The following REV3L variants were observed in gnomAD, a reference collection of about 807,000 sequenced individuals.
REV3L encodes the protein REV3 like, DNA directed polymerase zeta catalytic subunit, also known as DNA polymerase zeta catalytic subunit.
REV3L carries 69 observed loss-of-function variants against 299.4 expected under a neutral mutation model. That is an observed-to-expected ratio of 0.23 (90% confidence interval 0.19 to 0.28). REV3L has a LOEUF of 0.28. Ranked by LOEUF, REV3L falls within the 10% of genes least tolerant of loss-of-function variation. The probability of loss-of-function intolerance (pLI) is 1.00; values close to 1 mark genes in which losing one functional copy is unlikely to be tolerated. For missense variants in REV3L, 3,128 were observed against 3,693.8 expected, an observed-to-expected ratio of 0.85 and a Z score of 3.97; for synonymous variants, 1,238 against 1,271.4, an observed-to-expected ratio of 0.97 and a Z score of 0.56.
At position 111,466,427 on chromosome 6, in the gene REV3L, C is replaced by T. The variant is rs924047221; in HGVS notation, c.139+16323G>A. Among the ~76,000 whole-genome samples the T allele has an allele frequency of 5.3e-5, 8 of 152,200 alleles. No individual in the cohort carries two copies. In the East Asian group the frequency reaches 7.7e-4, roughly 15 times the overall value. On this transcript the variant is annotated intron_variant, in intron 1 of 31. Transcript: ENST00000368802. ...CACATAGAGGAATTTTAAAATGTCA[C>T]GTTTTCTCTAAGAAGTCACTGATTA...
chr6:111,443,502 C>A (rs755169501), intron 1 of REV3L, among the ~76,000 whole-genome samples: 1 of 152,168 alleles, frequency 6.6e-6, no homozygotes. Flanking sequence ...CAGCAGGCAA[C>A]TAATTTACTT....
At chr6:111,344,472 C>T (rs1255302894) in intron 20 of REV3L, among the ~76,000 whole-genome samples, 2 of 152,118 alleles carry the variant, frequency 1.3e-5, no homozygotes, top group Non-Finnish European at 2.9e-5. Context: ...TAGTTAAAGG[C>T]AGGCATTCTC....
chr6:111,331,059 A>G, intron 24 of REV3L: 1 of 970,272 alleles, frequency 1.0e-6, no homozygotes. Context: ...ACTCACTGCT[A>G]AGAAAATAGA....
At chr6:111,399,422 G>A (rs1294255177) in intron 4 of REV3L, among the ~76,000 whole-genome samples, 1 of 152,080 alleles carries the variant, frequency 6.6e-6, no homozygotes, top group Non-Finnish European at 1.5e-5. Flanking sequence ...ACTGACACTG[G>A]AAGATTACTA....
chr6:111,377,543 C>T (rs368632758), intron 12 of REV3L, among the ~76,000 whole-genome samples, 158 bp downstream of exon 12: 2 of 152,078 alleles, frequency 1.3e-5, no homozygotes, highest in East Asian at 1.9e-4. Flanking sequence ...CACTACGTTG[C>T]CTAGGCTGGT....
intron 21 of REV3L, 50 bp from the exon 22 acceptor site, chr6:111,335,660 T>C: frequency 6.5e-7 from 1 of 1,545,820 alleles, no homozygotes; most frequent in Non-Finnish European, 8.7e-7. Flanking sequence ...ATTTGGACAC[T>C]TGAAAACAGT....
intron 1 of REV3L, among the ~76,000 whole-genome samples, chr6:111,435,321 T>C (rs1278776324): frequency 6.6e-6 from 1 of 152,120 alleles, no homozygotes; most frequent in Non-Finnish European, 1.5e-5. Flanking sequence ...TCCTAAAATA[T>C]GTATGGAACC....
At position 111,373,041 on chromosome 6, in the gene REV3L, T is replaced by C; in HGVS notation, c.5314A>G (p.Ser1772Gly). 2.5e-6 allele frequency: 4 copies of C among 1,614,174 alleles called. No individual in the cohort carries two copies. Among genetic ancestry groups the C allele is most frequent in the Non-Finnish European group, 3.4e-6 (4 of 1,180,002 alleles). Reference protein sequence around the residue: ...FCVQQAEDCLSEKSRLNRSSV... With the variant: ...FCVQQAEDCLGEKSRLNRSSV... The stretch of plus-strand genomic sequence containing the variant: ...CTCCTATTCAATCTAGATTTTTCAC[T>C]TAGACAGTCTTCTGCCTGCTGAACA... The change falls in exon 13 of 32, where the codon AGT (serine) becomes GGT (glycine). Residue 1772 changes from serine (S) to glycine (G), a missense_variant. Physicochemically the swap from Ser to Gly is moderately conservative, Grantham distance 56. Coordinates refer to ENST00000368802, the MANE Select transcript of REV3L (RefSeq NM_001372078.1).
At chr6:111,420,267 T>C (rs753714840) in intron 1 of REV3L, among the ~76,000 whole-genome samples, 6 of 152,212 alleles carry the variant, frequency 3.9e-5, no homozygotes, top group Non-Finnish European at 8.8e-5. Flanking sequence ...AAATTGTACA[T>C]ATATATGGTA....
chr6:111,455,747 T>C (rs904877978), intron 1 of REV3L, among the ~76,000 whole-genome samples: 2 of 152,210 alleles, frequency 1.3e-5, no homozygotes, highest in South Asian at 2.1e-4. Context: ...CTTCAGTAAA[T>C]ATCTACCAAA....
intron 9 of REV3L, among the ~76,000 whole-genome samples, chr6:111,384,221 GCA>G (rs1361584952): frequency 6.6e-6 from 1 of 152,030 alleles, no homozygotes; most frequent in East Asian, 1.9e-4. Flanking sequence ...TATCCCCAAA[GCA>G]CAGGCAATCA....
intron 9 of REV3L, among the ~76,000 whole-genome samples, chr6:111,383,932 A>T (rs1781077472): frequency 6.6e-6 from 1 of 152,090 alleles, no homozygotes; most frequent in Admixed American, 6.5e-5. Context: ...TGGAATAGAG[A>T]ACCCTGAAAT....
Position 111,367,387 on chromosome 6 carries a change from G to C in REV3L, c.6401C>G (p.Pro2134Arg), listed in dbSNP as rs1371530924. The change falls in exon 14 of 32, where the codon CCA becomes CGA. Residue 2134 changes from proline (P) to arginine (R), a missense_variant. Pro to Arg is a moderately radical substitution (Grantham distance 103). Around this residue, in one of 9 missense-constraint regions of REV3L, gnomAD observed 2,409 missense variants for 2,611.8 expected, o/e 0.92. Coordinates refer to ENST00000368802, the MANE Select transcript of REV3L (RefSeq NM_001372078.1). ...VIPPWQQPIS[P>R]DSKALNGDDR... ...ATCTCCATTTAATGCTTTGGAATCT[G>C]GGGATATTGGTTGTTGCCAAGGGGG... is the stretch of plus-strand genomic sequence containing the variant. 1.9e-6 allele frequency: 3 copies of C among 1,610,048 alleles called. No homozygotes were observed. Among genetic ancestry groups the C allele is most frequent in the Non-Finnish European group, 2.5e-6 (3 of 1,178,476 alleles).
intron 30 of REV3L, among the ~76,000 whole-genome samples, chr6:111,308,667 T>A (rs1357093584): frequency 6.6e-6 from 1 of 152,248 alleles, no homozygotes; most frequent in East Asian, 1.9e-4. Flanking sequence ...TGTGTCTAGA[T>A]ACTAAATCCT....
chr6:111,356,845 T>G, intron 18 of REV3L, 169 bp downstream of exon 18: 1 of 336,978 alleles, frequency 3.0e-6, no homozygotes. Flanking sequence ...AAAATAGTGA[T>G]GGTGGTGGGA....
At chr6:111,308,305 C>A (rs145129588) in intron 30 of REV3L, 7 of 450,716 alleles carry the variant, frequency 1.6e-5, no homozygotes, top group Non-Finnish European at 2.7e-5. Flanking sequence ...ACATTCTTGC[C>A]GATGATGAAA....
chr6:111,320,692 G>T (rs571567138), intron 26 of REV3L, among the ~76,000 whole-genome samples: 2 of 152,224 alleles, frequency 1.3e-5, no homozygotes, highest in South Asian at 4.2e-4. Context: ...CTGTCATCCA[G>T]GCTGGAGTGC....
intron 1 of REV3L, among the ~76,000 whole-genome samples, chr6:111,418,645 C>T (rs906267945): frequency 6.6e-6 from 1 of 152,208 alleles, no homozygotes; most frequent in African/African-American, 2.4e-5. Context: ...TAGAATCCAG[C>T]TCAACAAAAC....
intron 1 of REV3L, among the ~76,000 whole-genome samples, chr6:111,444,192 A>G (rs1788587011): frequency 6.6e-6 from 1 of 152,220 alleles, no homozygotes; most frequent in Non-Finnish European, 1.5e-5. Context: ...GCAGAAAAGG[A>G]ACTGATTGCC....
Sources: gnomAD v4.1 joint callset for allele counts (sites outside exome capture counted in the v4.1 genomes callset) on GRCh38, gnomAD v4.1.1 for gene constraint, gnomAD v4.1.1 regional missense constraint, MANE v1.5 for transcripts, NCBI Gene and HGNC (gene_info 2026-07-23, HGNC 2026-07-21) for gene names.